The following SCN2A variants were observed in gnomAD, a reference collection of about 807,000 sequenced individuals.
SCN2A encodes sodium channel protein type 2 subunit alpha.
Under a neutral mutation model 188.7 loss-of-function variants are expected in SCN2A, and 20 were observed. The ratio of observed to expected loss-of-function variants is 0.11; its 90% confidence interval spans 0.07 to 0.15. The LOEUF (loss-of-function observed/expected upper bound fraction) is 0.15, where lower values mean the gene tolerates loss of function less well. SCN2A is among the 10% of genes least tolerant of loss of function. The pLI is 1.00. For synonymous variants in SCN2A, 804 were observed against 833.1 expected (o/e 0.97, Z 0.60); for missense variants, 1,278 against 2,445.0 (o/e 0.52, Z 10.07).
rs1574616134 is a variant in SCN2A at position 165,333,637 on chromosome 2, G to A, written c.2388+2069G>A. ...AACAAACCAAACTGAAATTAATGAG[G>A]GCAGCTAAAACAATATTTAAAGACA... On this transcript the variant is annotated intron_variant, in intron 14 of 26. Transcript: ENST00000375437. Among the ~76,000 whole-genome samples, 4 of 151,246 alleles carry A rather than the reference G, an allele frequency of 2.6e-5. No homozygotes were observed. The East Asian group carries it at 7.8e-4, about 29-fold the overall frequency.
In SCN2A at chr2:165,354,531, G is replaced by C. The variant is rs765278777; in HGVS notation, c.3259G>C (p.Val1087Leu). The C allele has an allele frequency of 6.2e-7, 1 of 1,614,076 alleles. No individual in the cohort carries two copies. The highest frequency in any genetic ancestry group is 8.5e-7 in the Non-Finnish European group (1 of 1,179,986). Reference protein sequence around the residue: ...GIGSSVEKYVVDESDYMSFIN... With the variant: ...GIGSSVEKYVLDESDYMSFIN... ...AGGCAGCAGTGTAGAAAAATATGTC[G>C]TGGATGAAAGTGATTACATGTCATT... Residue 1087 changes from valine (V) to leucine (L), a missense_variant, in exon 17 of 27, where the codon GTG (valine) becomes CTG (leucine). Coordinates refer to ENST00000375437, the MANE Select transcript of SCN2A (RefSeq NM_001040142.2).
Position 165,313,692 on chromosome 2 carries a change from C to A in SCN2A, c.1107C>A (p.Thr369=). The change falls in exon 9 of 27, where the codon ACC becomes ACA. Residue 369 remains threonine (T), a synonymous_variant. Coordinates refer to ENST00000375437, the MANE Select transcript of SCN2A (RefSeq NM_001040142.2). The part of the protein sequence containing the change: ...NPNYGYTSFD[T]FSWAFLSLFR... ...ACTATGGCTACACGAGCTTTGACAC[C>A]TTTAGTTGGGCCTTTTTGTCCTTAT... 2 of 1,613,644 alleles carry A rather than the reference C, an allele frequency of 1.2e-6. No homozygotes were observed. Among genetic ancestry groups the A allele is most frequent in the Non-Finnish European group, 1.7e-6 (2 of 1,179,666 alleles).
In SCN2A at chr2:165,386,951, G is replaced by A. The variant is rs1701905708; in HGVS notation, c.4757G>A (p.Arg1586His). ...GECVLKLISL[R>H]YYYFTIGWNI... ...TGTGTGCTGAAACTGATCTCTCTTC[G>A]TTACTACTATTTCACTATTGGATGG... Residue 1586 changes from arginine (R) to histidine (H), a missense_variant, in exon 26 of 27, where the codon CGT becomes CAT. Arg to His is a conservative substitution (Grantham distance 29). Coordinates refer to ENST00000375437, the MANE Select transcript of SCN2A (RefSeq NM_001040142.2). 3 of 1,613,674 alleles carry A rather than the reference G, an allele frequency of 1.9e-6. No individual in the cohort carries two copies. Among genetic ancestry groups the A allele is most frequent in the Non-Finnish European group, 2.5e-6 (3 of 1,179,750 alleles).
intron 14 of SCN2A, among the ~76,000 whole-genome samples, chr2:165,335,706 A>T (rs1031286356): frequency 6.6e-6 from 1 of 151,862 alleles, no homozygotes; most frequent in African/African-American, 2.4e-5. Flanking sequence ...CTTAGATATG[A>T]TACCAAAAGC....
chr2:165,373,596 T>C (rs1701157746), intron 21 of SCN2A, among the ~76,000 whole-genome samples: 1 of 152,156 alleles, frequency 6.6e-6, no homozygotes, highest in South Asian at 2.1e-4. Context: ...AAAATCTCTA[T>C]AGTTATGCTG....
At chr2:165,251,965 A>G (rs1339441127) in intron 1 of SCN2A, among the ~76,000 whole-genome samples, 3 of 152,154 alleles carry the variant, frequency 2.0e-5, no homozygotes, top group Non-Finnish European at 2.9e-5. Context: ...ACTGAAGAAC[A>G]TAGATTTTAA....
chr2:165,249,280 C>T (rs921410468), intron 1 of SCN2A, among the ~76,000 whole-genome samples: 1 of 152,082 alleles, frequency 6.6e-6, no homozygotes, highest in Non-Finnish European at 1.5e-5. Flanking sequence ...TATGCTGTGT[C>T]CTGAGCTTTC....
At position 165,295,799 on chromosome 2, in the gene SCN2A, G is replaced by A; in HGVS notation, c.-25G>A. 6.2e-7 allele frequency: 1 copy of A among 1,613,948 alleles called. No individual in the cohort carries two copies. The highest frequency in any genetic ancestry group is 1.1e-5 in the South Asian group (1 of 91,050). ...ACTTTCTTATGCAAGGAGCTAAACA[G>A]TGATTAAAGGAGCAGGATGAAAAGA... is the stretch of plus-strand genomic sequence containing the variant. On this transcript the variant is annotated 5_prime_UTR_variant, in exon 2 of 27. The change creates a new upstream start codon in the 5' untranslated region. Transcript: ENST00000375437.
chr2:165,240,178 C>T (rs947551240), intron 1 of SCN2A: 1 of 152,082 alleles, frequency 6.6e-6, no homozygotes, highest in Admixed American at 6.6e-5. Flanking sequence ...CCACATGAAT[C>T]AAGATTTATG....
intron 25 of SCN2A, among the ~76,000 whole-genome samples, chr2:165,382,203 T>A (rs1295100207): frequency 6.6e-6 from 1 of 152,078 alleles, no homozygotes; most frequent in Admixed American, 6.6e-5. Flanking sequence ...TTTGAATTAG[T>A]GAGTAGTAGA....
chr2:165,364,005 C>T (rs1003626137), intron 17 of SCN2A, among the ~76,000 whole-genome samples: 3 of 151,812 alleles, frequency 2.0e-5, no homozygotes, highest in Non-Finnish European at 4.4e-5. Flanking sequence ...ATAAAGAAAC[C>T]ATCTTTCTAG....
At chr2:165,300,756 G>A (rs966137297) in intron 3 of SCN2A, among the ~76,000 whole-genome samples, 2 of 152,166 alleles carry the variant, frequency 1.3e-5, no homozygotes, top group African/African-American at 2.4e-5. Context: ...AGTTGTAGGC[G>A]AGGTGCAGTG....
chr2:165,354,758 T>A, intron 17 of SCN2A, 87 bp downstream of exon 17: 1 of 1,355,356 alleles, frequency 7.4e-7, no homozygotes, highest in Non-Finnish European at 1.0e-6. Flanking sequence ...GCGTGTTTCC[T>A]TCCTGTTAAG....
At chr2:165,373,020 T>C (rs1412099791) in intron 20 of SCN2A, 2 of 529,648 alleles carry the variant, frequency 3.8e-6, no homozygotes, top group Admixed American at 2.9e-5. Flanking sequence ...AACTTCACCC[T>C]GGGAACCTGT....
chr2:165,367,907 C>T (rs927593286), intron 19 of SCN2A, among the ~76,000 whole-genome samples: 2 of 152,090 alleles, frequency 1.3e-5, no homozygotes, highest in Non-Finnish European at 2.9e-5. Context: ...AGGGTGCCTG[C>T]GATCCTTGAA....
chr2:165,333,388 A>G (rs894287538), intron 14 of SCN2A, among the ~76,000 whole-genome samples: 4 of 151,914 alleles, frequency 2.6e-5, no homozygotes, highest in African/African-American at 9.7e-5. Context: ...CCCTAGGATA[A>G]GTTATAGGTT....
intron 1 of SCN2A, among the ~76,000 whole-genome samples, chr2:165,255,206 G>C (rs1031775236): frequency 6.6e-6 from 1 of 151,736 alleles, no homozygotes; most frequent in Non-Finnish European, 1.5e-5. Context: ...TCCCATAGGG[G>C]TATATCAACT....
At chr2:165,385,557 TG>T (rs1701827040) in intron 25 of SCN2A, among the ~76,000 whole-genome samples, 1 of 152,206 alleles carries the variant, frequency 6.6e-6, no homozygotes, top group South Asian at 2.1e-4. Context: ...AATACTCTAA[TG>T]AATCTATACA....
chr2:165,359,568 C>T (rs1291937499), intron 17 of SCN2A, among the ~76,000 whole-genome samples: 2 of 152,018 alleles, frequency 1.3e-5, no homozygotes, highest in Non-Finnish European at 2.9e-5. Context: ...CCTCAGGAAA[C>T]ATTGTCCACT....
Sources: allele counts gnomAD v4.1 joint callset (sites outside exome capture counted in the v4.1 genomes callset), GRCh38; gene constraint gnomAD v4.1.1; transcripts MANE v1.5; gene names NCBI Gene and HGNC (gene_info 2026-07-23, HGNC 2026-07-21).